The following PCDH15 variants were observed in gnomAD, a reference collection of about 807,000 sequenced individuals.
PCDH15 encodes the protein protocadherin-15.
A neutral mutation model predicts 178.5 loss-of-function variants in PCDH15; 129 were observed. The observed-to-expected ratio is 0.72, with a 90% CI of 0.63 to 0.84. The LOEUF (loss-of-function observed/expected upper bound fraction) is 0.84, where lower values mean the gene tolerates loss of function less well. Among genes scored for constraint, PCDH15 ranks in the 40% least tolerant of loss-of-function variants. The pLI is 0.00. For missense variants in PCDH15, 2,230 were observed against 2,099.9 expected (o/e 1.06, Z -1.21); for synonymous variants, 800 against 732.0 (o/e 1.09, Z -1.50).
At chr10:54,048,645 A>C (rs1457524264) in intron 18 of PCDH15, among the ~76,000 whole-genome samples, 1 of 152,146 alleles carries the variant, frequency 6.6e-6, no homozygotes, top group East Asian at 1.9e-4. Flanking sequence ...CATTTATTGA[A>C]TAGGAAGTCC....
chr10:55,255,165 G>A (rs2799615), intron 1 of PCDH15, among the ~76,000 whole-genome samples: 128,657 of 152,008 alleles, frequency 0.85, 55,087 homozygotes, highest in East Asian at 0.96. Context: ...ATGTATTCTC[G>A]TTGTTCAATT....
intron 22 of PCDH15, among the ~76,000 whole-genome samples, chr10:53,961,260 GA>G (rs1474181905): frequency 6.6e-6 from 1 of 151,720 alleles, no homozygotes; most frequent in African/African-American, 2.4e-5. Flanking sequence ...GTGAGTAAGG[GA>G]AAAATGATAT....
chr10:54,097,170 T>A (rs2094715467), intron 15 of PCDH15, among the ~76,000 whole-genome samples: 1 of 152,220 alleles, frequency 6.6e-6, no homozygotes, highest in Admixed American at 6.5e-5. Context: ...TCCAGGATTA[T>A]CCTTTGTTAA....
intron 23 of PCDH15, among the ~76,000 whole-genome samples, chr10:53,942,701 A>G (rs547123075): frequency 6.6e-6 from 1 of 152,342 alleles, no homozygotes; most frequent in South Asian, 2.1e-4. Context: ...AACCACATGT[A>G]CTTGGAAGTG....
intron 34 of PCDH15, 35 bp downstream of exon 34, chr10:53,817,960 T>A (rs1588907054): frequency 5.0e-6 from 2 of 398,706 alleles, no homozygotes; most frequent in East Asian, 7.1e-5. Context: ...TTTCCTAGTA[T>A]GCTTGTTACG....
chr10:54,655,428 G>GGTGTGTGTGTGTGTGTGT (rs371162241), intron 2 of PCDH15: 6 of 141,866 alleles, frequency 4.2e-5, no homozygotes, highest in South Asian at 2.3e-4. Context: ...TGTGTGGTGG[G>GGTGTGTGTGTGTGTGTGT]GTGTGTGTGT....
At chr10:53,928,334 A>G (rs1421805699) in intron 25 of PCDH15, among the ~76,000 whole-genome samples, 1 of 152,018 alleles carries the variant, frequency 6.6e-6, no homozygotes, top group Non-Finnish European at 1.5e-5. Flanking sequence ...TATTTTACTA[A>G]CAGAAAAAAT....
At position 54,830,543 on chromosome 10, in the gene PCDH15, A is replaced by G. The variant is rs527463450; in HGVS notation, c.-29+66907T>C. On this transcript the variant is annotated intron_variant, in intron 3 of 5. Coordinates refer to the PCDH15 transcript ENST00000458638. ...GGTGGGAATTGAACAATGAGAACACATGGACACAGGAAGGGGAACATCACA... is the reference window on the plus strand; with the variant it reads ...GGTGGGAATTGAACAATGAGAACACGTGGACACAGGAAGGGGAACATCACA... Among the ~76,000 whole-genome samples the G allele has an allele frequency of 6.3e-4, 94 of 148,952 alleles. 1 individual carries two copies. In the East Asian group the frequency reaches 0.017, roughly 27 times the overall value.
intron 2 of PCDH15, chr10:55,600,009 A>G: frequency 1.5e-6 from 2 of 1,315,792 alleles, no homozygotes; most frequent in Middle Eastern, 2.7e-4. Context: ...GCTTGAATTC[A>G]TTAATGCAAA....
chr10:54,446,549 GTC>G (rs1425970099), intron 3 of PCDH15, among the ~76,000 whole-genome samples: 1 of 151,252 alleles, frequency 6.6e-6, no homozygotes, highest in Non-Finnish European at 1.5e-5. Flanking sequence ...TCCCATTAAT[GTC>G]TTTTTCTTTT....
intron 15 of PCDH15, among the ~76,000 whole-genome samples, chr10:54,115,380 T>TA (rs1258196957): frequency 6.6e-6 from 1 of 152,122 alleles, no homozygotes; most frequent in Admixed American, 6.6e-5. Context: ...GATGCTCTGA[T>TA]AAAAAACACC....
intron 2 of PCDH15, among the ~76,000 whole-genome samples, chr10:55,536,275 C>G (rs1359419029): frequency 1.3e-5 from 2 of 151,966 alleles, no homozygotes; most frequent in Non-Finnish European, 2.9e-5. Context: ...ATTTTGTGCA[C>G]TTTCTTTTAT....
At chr10:53,819,067 G>A (rs143177896) in intron 33 of PCDH15, among the ~76,000 whole-genome samples, 42 of 152,028 alleles carry the variant, frequency 2.8e-4, no homozygotes, top group African/African-American at 8.4e-4. Context: ...GTGCTTACAC[G>A]GTTCTGCCAA....
intron 8 of PCDH15, among the ~76,000 whole-genome samples, chr10:54,287,973 G>T (rs900531369): frequency 1.3e-5 from 2 of 152,108 alleles, no homozygotes; most frequent in Non-Finnish European, 2.9e-5. Context: ...CATAATGGGG[G>T]AAACTGAATA....
intron 2 of PCDH15, among the ~76,000 whole-genome samples, chr10:55,360,467 G>A (rs982298100): frequency 1.3e-5 from 2 of 151,778 alleles, no homozygotes; most frequent in African/African-American, 2.4e-5. Context: ...CACAGAATGG[G>A]AGGAAAAAAA....
chr10:54,221,902 C>T (rs2052867294), intron 9 of PCDH15, among the ~76,000 whole-genome samples: 1 of 152,160 alleles, frequency 6.6e-6, no homozygotes, highest in East Asian at 1.9e-4. Flanking sequence ...CCTGCCTGGC[C>T]TTACAGTATA....
At chr10:54,863,804 A>G (rs767941562) in intron 3 of PCDH15, among the ~76,000 whole-genome samples, 2 of 152,194 alleles carry the variant, frequency 1.3e-5, no homozygotes, top group Non-Finnish European at 2.9e-5. Context: ...ACCGCCAGTC[A>G]TAAGGAAAGC....
intron 18 of PCDH15, among the ~76,000 whole-genome samples, chr10:54,056,746 A>T (rs553216437): frequency 7.2e-5 from 11 of 152,190 alleles, no homozygotes; most frequent in African/African-American, 2.4e-4. Flanking sequence ...ATCTTAACTC[A>T]TTTCAGCATT....
chr10:54,868,779 G>A (rs1441786683), intron 3 of PCDH15, among the ~76,000 whole-genome samples: 2 of 151,998 alleles, frequency 1.3e-5, no homozygotes, highest in Non-Finnish European at 2.9e-5. Context: ...AAACAGCTAT[G>A]TAGCAATCAA....
Sources: gnomAD v4.1 joint callset for allele counts (sites outside exome capture counted in the v4.1 genomes callset) on GRCh38, gnomAD v4.1.1 for gene constraint, MANE v1.5 for transcripts, NCBI Gene and HGNC (gene_info 2026-07-23, HGNC 2026-07-21) for gene names.